ARHGEF10: variants seen among roughly 807,000 people sequenced by gnomAD.
ARHGEF10 encodes Rho guanine nucleotide exchange factor (GEF) 10.
Under a neutral mutation model 147.4 loss-of-function variants are expected in ARHGEF10, and 140 were observed. That is an observed-to-expected ratio of 0.95 (90% CI 0.83 to 1.09). The LOEUF is 1.09. ARHGEF10 is among the 50% of genes least tolerant of loss of function. ARHGEF10 has a pLI of 0.00. For synonymous variants in ARHGEF10, 902 were observed against 695.8 expected, an observed-to-expected ratio of 1.30 and a Z score of -4.67; for missense variants, 2,222 against 1,752.7, an observed-to-expected ratio of 1.27 and a Z score of -4.78.
chr8:1,896,109 A>G (rs1203227771), intron 13 of ARHGEF10, among the ~76,000 whole-genome samples: 1 of 152,256 alleles, frequency 6.6e-6, no homozygotes, highest in Non-Finnish European at 1.5e-5. Flanking sequence ...CAAGGATGTC[A>G]GAAAGTGCTC....
At chr8:1,929,803 G>A (rs1046888724) in intron 25 of ARHGEF10, among the ~76,000 whole-genome samples, 3 of 152,174 alleles carry the variant, frequency 2.0e-5, no homozygotes, top group African/African-American at 7.2e-5. Context: ...TCCTGTACCT[G>A]GGCCAGCCCT....
rs375440053 is a variant in ARHGEF10 at position 1,884,252 on chromosome 8, T to C, written c.1076-1349T>C. ...ACTAAAAATACAAAAAAAAATTAGC[T>C]GGGCGTGGTGGCGGGTGCCTGTAGT... On this transcript the variant is annotated intron_variant, in intron 10 of 28. Coordinates refer to ENST00000349830, the MANE Select transcript of ARHGEF10 (RefSeq NM_014629.4). 6.5e-4 allele frequency among the ~76,000 whole-genome samples: 98 copies of C among 151,912 alleles called. No individual in the cohort carries two copies. The East Asian group carries it at 0.016, about 25-fold the overall frequency.
intron 3 of ARHGEF10, chr8:1,858,628 T>C (rs1805801526): frequency 1.3e-5 from 2 of 156,722 alleles, no homozygotes; most frequent in South Asian, 3.9e-4. Context: ...CTTTCTAAGT[T>C]TGGAGGTGGG....
At chr8:1,932,080 C>G (rs1028520816) in intron 25 of ARHGEF10, among the ~76,000 whole-genome samples, 2 of 152,236 alleles carry the variant, frequency 1.3e-5, no homozygotes, top group African/African-American at 4.8e-5. Flanking sequence ...AGAGAGAGCT[C>G]TGACCTAGGA....
Position 1,888,820 on chromosome 8 carries a change from G to GT in ARHGEF10, c.1182+3115dup, listed in dbSNP as rs766564473. On this transcript the variant is annotated intron_variant, in intron 11 of 28. Transcript: ENST00000349830. ...TGAGGAGACACTGAGTGGGGTGAGAGTTATGAGGAGACACTGAATAGGGTG... is the reference window on the plus strand; with the variant it reads ...TGAGGAGACACTGAGTGGGGTGAGAGTTTATGAGGAGACACTGAATAGGGTG... Among the ~76,000 whole-genome samples, 7 of 50,050 alleles carry GT rather than the reference G, an allele frequency of 1.4e-4. 1 individual carries two copies. The highest frequency in any genetic ancestry group is 3.5e-4 in the African/African-American group (3 of 8,526). The allele number at this position is 50,050 out of a possible 152,430, so 32.8% of individuals were successfully genotyped here.
chr8:1,907,489 T>C (rs1810993174), intron 17 of ARHGEF10, among the ~76,000 whole-genome samples: 1 of 152,180 alleles, frequency 6.6e-6, no homozygotes, highest in Admixed American at 6.5e-5. Flanking sequence ...GTTGAGTCTT[T>C]TCCGCATTCA....
Position 1,858,231 on chromosome 8 carries a change from C to CCCAGGTGGGTCCCCATGTGAGTCA in ARHGEF10, c.193+131_193+132insTGTGAGTCACCAGGTGGGTCCCCA, listed in dbSNP as rs1305989179. The CCCAGGTGGGTCCCCATGTGAGTCA allele has an allele frequency of 2.4e-5, 22 of 929,610 alleles. No individual in the cohort carries two copies. In the African/African-American group the frequency reaches 3.5e-4, roughly 15 times the overall value. The allele number at this position is 929,610 out of a possible 1,614,324, so 57.6% of individuals were successfully genotyped here. On this transcript the variant is annotated intron_variant, in intron 3 of 28. Transcript: ENST00000349830. ...TCCCAGGTGAGTCCCCAGGTGAGTC[C>CCCAGGTGGGTCCCCATGTGAGTCA]CCAGGTGGGTCCCCAGGTGAGTCCC...
intron 26 of ARHGEF10, chr8:1,943,894 T>C (rs754019637): frequency 2.6e-5 from 4 of 151,932 alleles, no homozygotes; most frequent in Non-Finnish European, 4.4e-5. Flanking sequence ...GACTCTAGAA[T>C]GGGCATTTTA....
At chr8:1,891,910 T>A (rs1809559499) in intron 11 of ARHGEF10, among the ~76,000 whole-genome samples, 1 of 151,006 alleles carries the variant, frequency 6.6e-6, no homozygotes, top group East Asian at 1.9e-4. Context: ...TGATACTATA[T>A]TAGTATCATC....
chr8:1,860,244 C>T, intron 4 of ARHGEF10, 60 bp downstream of exon 4: 7 of 1,522,054 alleles, frequency 4.6e-6, no homozygotes, highest in South Asian at 1.1e-5. Flanking sequence ...CTCTCCACGC[C>T]CCCGAAGTGG....
rs185496137 is a variant in ARHGEF10, at chr8:1,917,502, C to T, written c.2144-5462C>T. 7.9e-5 allele frequency among the ~76,000 whole-genome samples: 12 copies of T among 152,258 alleles called. No homozygotes were observed. In the East Asian group the frequency reaches 9.7e-4, roughly 12 times the overall value. On this transcript the variant is annotated intron_variant, in intron 18 of 28. Transcript: ENST00000349830. Reference sequence around the variant, plus strand: ...CAGCCGTCCTTGCTATTGATCTGGCCACACAAACCCTTCCTTGTTTGCCGC... The same window carrying T: ...CAGCCGTCCTTGCTATTGATCTGGCTACACAAACCCTTCCTTGTTTGCCGC...
intron 2 of ARHGEF10, 66 bp from the exon 3 acceptor site, chr8:1,857,894 C>CTATT (rs1195548894): frequency 7.6e-5 from 84 of 1,105,496 alleles, no homozygotes; most frequent in Non-Finnish European, 1.0e-4. Context: ...ATCTATCTAT[C>CTATT]TATCTATCTA....
chr8:1,901,440 C>T (rs938645654), intron 15 of ARHGEF10, among the ~76,000 whole-genome samples: 1 of 152,310 alleles, frequency 6.6e-6, no homozygotes, highest in African/African-American at 2.4e-5. Context: ...ACCGGCTCAC[C>T]CTGGCTATGC....
chr8:1,898,991 C>G (rs183958968), intron 15 of ARHGEF10, among the ~76,000 whole-genome samples: 110 of 152,348 alleles, frequency 7.2e-4, no homozygotes, highest in Non-Finnish European at 3.1e-4. Flanking sequence ...ACAAAACATA[C>G]CCATCACTGA....
At chr8:1,897,457 G>C (rs921051196) in intron 14 of ARHGEF10, among the ~76,000 whole-genome samples, 2 of 149,978 alleles carry the variant, frequency 1.3e-5, no homozygotes, top group African/African-American at 2.5e-5. Flanking sequence ...ACTCTCGACA[G>C]TTGTGGGCTC....
At chr8:1,890,532 AGGAGAC>A (rs1809430566) in intron 11 of ARHGEF10, among the ~76,000 whole-genome samples, 1 of 149,098 alleles carries the variant, frequency 6.7e-6, no homozygotes, top group African/African-American at 2.5e-5. Context: ...CGGGTCTCTG[AGGAGAC>A]ACTGAGTGGG....
rs1392109287 is a variant in ARHGEF10, at chr8:1,928,424, C to T, written c.2698-3C>T. 3.9e-6 allele frequency: 6 copies of T among 1,550,240 alleles called. No individual in the cohort carries two copies. The Middle Eastern group carries it at 6.9e-4, about 179-fold the overall frequency. ...CTTCTTTCCTCCTAATTCTCTGATT[C>T]AGATCGGAAGTTGCACCCATCAAAT... On this transcript the variant is annotated splice_polypyrimidine_tract_variant and splice_region_variant and intron_variant, in intron 23 of 28. Transcript: ENST00000349830.
intron 26 of ARHGEF10, among the ~76,000 whole-genome samples, chr8:1,944,998 G>A (rs1469329814): frequency 3.9e-5 from 6 of 152,266 alleles, no homozygotes; most frequent in Non-Finnish European, 7.3e-5. Context: ...AGCTCCAGAA[G>A]GACCAAGTTG....
At chr8:1,909,230 G>T in intron 17 of ARHGEF10, 65 bp from the exon 18 acceptor site, 2 of 1,598,034 alleles carry the variant, frequency 1.3e-6, no homozygotes, top group Non-Finnish European at 1.7e-6. Flanking sequence ...ACATCTGAGG[G>T]ATGAACATTA....
Sources: gnomAD v4.1 joint callset for allele counts (sites outside exome capture counted in the v4.1 genomes callset) on GRCh38, gnomAD v4.1.1 for gene constraint, MANE v1.5 for transcripts, NCBI Gene and HGNC (gene_info 2026-07-23, HGNC 2026-07-21) for gene names.